Variants in ATG10 observed in about 807,000 individuals in gnomAD.
ATG10 encodes ubiquitin-like-conjugating enzyme ATG10.
ATG10 carries 30 observed loss-of-function variants against 32.1 expected under a neutral mutation model. The ratio of observed to expected loss-of-function variants is 0.94; its 90% CI spans 0.70 to 1.27. The LOEUF (loss-of-function observed/expected upper bound fraction) is 1.27, where lower values mean the gene tolerates loss of function less well. Among genes scored for constraint, ATG10 ranks in the 50% most tolerant of loss-of-function variants. The pLI is 0.00. For missense variants in ATG10, 233 were observed against 262.3 expected (o/e 0.89, Z 0.77); for synonymous variants, 87 against 91.5 (o/e 0.95, Z 0.28).
At chr5:82,096,649 T>A (rs1765075321) in intron 3 of ATG10, among the ~76,000 whole-genome samples, 1 of 152,206 alleles carries the variant, frequency 6.6e-6, no homozygotes, top group South Asian at 2.1e-4. Context: ...CCCATCTGTC[T>A]ATAATAGTCA....
chr5:82,072,995 T>G (rs1764175901), intron 3 of ATG10: 1 of 152,202 alleles, frequency 6.6e-6, no homozygotes, highest in Non-Finnish European at 1.5e-5. Context: ...TAATACTTTT[T>G]CTGACTTGTC....
chr5:82,042,516 G>A (rs1763115945), intron 2 of ATG10, among the ~76,000 whole-genome samples: 1 of 152,078 alleles, frequency 6.6e-6, no homozygotes, highest in African/African-American at 2.4e-5. Flanking sequence ...CAGTCCCCAA[G>A]TCTTAATTCA....
At chr5:82,245,381 A>G (rs904407904) in intron 5 of ATG10, among the ~76,000 whole-genome samples, 2 of 152,346 alleles carry the variant, frequency 1.3e-5, no homozygotes, top group Admixed American at 1.3e-4. Context: ...CACCGTTAAC[A>G]TGCCTCAAAT....
rs116303308 is a variant in ATG10 at position 82,012,789 on chromosome 5, A to G, written c.108+25111A>G. Among the ~76,000 whole-genome samples, 1,023 of 151,726 alleles carry G rather than the reference A, an allele frequency of 6.7e-3. 3 individuals are homozygous for G. The highest frequency in any genetic ancestry group is 0.02 in the African/African-American group (819 of 41,346). On this transcript the variant is annotated intron_variant, in intron 2 of 7. Transcript: ENST00000282185. ...TCCCACCTCAGCCTCTCGAGTAGCT[A>G]GAATTACAGTCATGTGCCACCATGC...
At chr5:82,095,346 A>C (rs1008185854) in intron 3 of ATG10, among the ~76,000 whole-genome samples, 1 of 152,122 alleles carries the variant, frequency 6.6e-6, no homozygotes, top group African/African-American at 2.4e-5. Flanking sequence ...AATACCTCCT[A>C]TTATTGTTAT....
intron 5 of ATG10, among the ~76,000 whole-genome samples, chr5:82,228,680 A>C (rs1463128081): frequency 6.6e-6 from 1 of 152,240 alleles, no homozygotes; most frequent in Non-Finnish European, 1.5e-5. Flanking sequence ...TAAAATTGTC[A>C]ATATGTACCG....
At chr5:81,993,388 CTTTTTT>C (rs1205918418) in intron 2 of ATG10, among the ~76,000 whole-genome samples, 10 of 85,024 alleles carry the variant, frequency 1.2e-4, no homozygotes, top group African/African-American at 5.2e-4. Flanking sequence ...CTTTTCTTTT[CTTTTTT>C]TTTCTTTTCT....
chr5:82,174,715 C>A (rs1251827138), intron 4 of ATG10, among the ~76,000 whole-genome samples: 1 of 152,086 alleles, frequency 6.6e-6, no homozygotes, highest in African/African-American at 2.4e-5. Context: ...AATCAGGTAA[C>A]CTCCCTAGGT....
At chr5:81,973,495 C>T (rs748720429) in intron 1 of ATG10, among the ~76,000 whole-genome samples, 1 of 152,208 alleles carries the variant, frequency 6.6e-6, no homozygotes, top group Non-Finnish European at 1.5e-5. Context: ...ATGCTCAGTT[C>T]CTGAAATGCT....
chr5:82,239,932 T>C (rs1452414383), intron 5 of ATG10, among the ~76,000 whole-genome samples: 1 of 152,090 alleles, frequency 6.6e-6, no homozygotes, highest in Non-Finnish European at 1.5e-5. Flanking sequence ...CCAACATCAC[T>C]AATCCTCAGG....
intron 2 of ATG10, 149 bp from the exon 3 acceptor site, chr5:82,058,346 G>A (rs1456360793): frequency 5.1e-6 from 3 of 584,010 alleles, no homozygotes; most frequent in Non-Finnish European, 9.3e-6. Flanking sequence ...CGTACAGGGT[G>A]TTGGACTAGT....
chr5:81,983,706 T>TG (rs1172327204), intron 1 of ATG10, among the ~76,000 whole-genome samples: 1 of 143,776 alleles, frequency 7.0e-6, no homozygotes, highest in Non-Finnish European at 1.5e-5. Flanking sequence ...ACTTCCCAGA[T>TG]GGGGTGGCTG....
intron 3 of ATG10, among the ~76,000 whole-genome samples, chr5:82,144,031 A>G (rs1383264537): frequency 6.6e-6 from 1 of 150,978 alleles, no homozygotes; most frequent in Admixed American, 6.6e-5. Context: ...TATTTAGAGT[A>G]TCTATTATTC....
At chr5:82,150,606 C>T (rs1252475747) in intron 3 of ATG10, among the ~76,000 whole-genome samples, 2 of 152,188 alleles carry the variant, frequency 1.3e-5, no homozygotes, top group Non-Finnish European at 2.9e-5. Flanking sequence ...AACATAGCTC[C>T]TTCCAGGAAT....
intron 3 of ATG10, among the ~76,000 whole-genome samples, chr5:82,094,946 A>C (rs1765005492): frequency 6.6e-6 from 1 of 152,178 alleles, no homozygotes; most frequent in Non-Finnish European, 1.5e-5. Flanking sequence ...GAACACATGC[A>C]CACATACATA....
chr5:82,149,737 T>C (rs1767515727), intron 3 of ATG10, among the ~76,000 whole-genome samples: 1 of 152,152 alleles, frequency 6.6e-6, no homozygotes, highest in Admixed American at 6.6e-5. Flanking sequence ...TTTCCTTCTA[T>C]TCTCAGAGAA....
chr5:82,232,218 T>G (rs1429527027), intron 5 of ATG10, among the ~76,000 whole-genome samples: 1 of 152,152 alleles, frequency 6.6e-6, no homozygotes. Context: ...AGTCAAAAAT[T>G]GTCACCATTC....
At chr5:82,061,387 T>G (rs182596757) in intron 3 of ATG10, among the ~76,000 whole-genome samples, 91 of 152,084 alleles carry the variant, frequency 6.0e-4, no homozygotes, top group Non-Finnish European at 7.5e-4. Context: ...ATTCTTACTC[T>G]TTCTCTTCAG....
intron 2 of ATG10, among the ~76,000 whole-genome samples, chr5:81,997,018 C>T (rs1044433082): frequency 9.9e-5 from 15 of 151,976 alleles, no homozygotes; most frequent in African/African-American, 3.6e-4. Context: ...CCTCTGACAC[C>T]AGTGCTGGTG....
Sources: gnomAD v4.1 joint callset for allele counts (sites outside exome capture counted in the v4.1 genomes callset) on GRCh38, gnomAD v4.1.1 for gene constraint, MANE v1.5 for transcripts, NCBI Gene and HGNC (gene_info 2026-07-23, HGNC 2026-07-21) for gene names.